CC2D1A: variants seen among roughly 807,000 people sequenced by gnomAD.
CC2D1A encodes coiled-coil and C2 domain-containing protein 1A.
In CC2D1A, 68 loss-of-function variants were observed where a neutral mutation model predicts 123.8. The ratio of observed to expected loss-of-function variants is 0.55; its 90% CI spans 0.45 to 0.67. The LOEUF (loss-of-function observed/expected upper bound fraction) is 0.67, where lower values mean the gene tolerates loss of function less well. Among genes scored for constraint, CC2D1A ranks in the 30% least tolerant of loss-of-function variants. The probability of loss-of-function intolerance (pLI) is 0.00; values close to 1 mark genes in which losing one functional copy is unlikely to be tolerated. For synonymous variants in CC2D1A, 477 were observed against 528.0 expected, an observed-to-expected ratio of 0.90 and a Z score of 1.32; for missense variants, 1,185 against 1,290.3, an observed-to-expected ratio of 0.92 and a Z score of 1.25.
At chr19:13,925,926 AAAAAAAAAT>A (rs1178633062) in intron 17 of CC2D1A, among the ~76,000 whole-genome samples, 8 of 108,064 alleles carry the variant, frequency 7.4e-5, no homozygotes, top group African/African-American at 2.7e-4. Context: ...TCTAAAAAAA[AAAAAAAAAT>A]ATATATATAT....
At position 13,920,887 on chromosome 19, in the gene CC2D1A, G is replaced by A. The variant is rs1971391181; in HGVS notation, c.1606G>A (p.Ala536Thr). 6.2e-7 allele frequency: 1 copy of A among 1,613,852 alleles called. No individual in the cohort carries two copies. The highest frequency in any genetic ancestry group is 1.1e-5 in the South Asian group (1 of 91,078). ...QAKGLEPMLE[A>T]SRNGLPVDIT... The stretch of plus-strand genomic sequence containing the variant: ...CAAGGGACTGGAGCCTATGCTGGAG[G>A]CCTCGCGCAATGGGCTGCCTGTGGA... The change falls in exon 14 of 29, where the codon GCC becomes ACC. Residue 536 changes from alanine to threonine, a missense_variant. By Grantham distance (58) the Ala-to-Thr change is moderately conservative. Coordinates refer to ENST00000318003, the MANE Select transcript of CC2D1A (RefSeq NM_017721.5).
At chr19:13,926,283 AC>A in intron 17 of CC2D1A, among the ~76,000 whole-genome samples, 1 of 152,156 alleles carries the variant, frequency 6.6e-6, no homozygotes, top group Non-Finnish European at 1.5e-5. Flanking sequence ...CACAGTAGAT[AC>A]CAAATAAATA....
chr19:13,911,363 A>G (rs1312193652), intron 2 of CC2D1A, among the ~76,000 whole-genome samples: 1 of 152,208 alleles, frequency 6.6e-6, no homozygotes, highest in Non-Finnish European at 1.5e-5. Context: ...TATTGGCAAT[A>G]TGCTATTCTA....
chr19:13,929,231 T>C (rs1226396539), intron 24 of CC2D1A, 148 bp from the exon 25 acceptor site: 9 of 773,236 alleles, frequency 1.2e-5, no homozygotes, highest in Non-Finnish European at 2.0e-5. Flanking sequence ...GGTCTCGAAC[T>C]CCTGACCTCA....
At chr19:13,920,251 C>T in intron 12 of CC2D1A, 1 of 509,780 alleles carries the variant, frequency 2.0e-6, no homozygotes, top group Non-Finnish European at 3.4e-6. Context: ...ACCTCATCTC[C>T]AAGACAATTA....
chr19:13,917,475 G>A (rs927911623), intron 6 of CC2D1A, among the ~76,000 whole-genome samples: 4 of 152,106 alleles, frequency 2.6e-5, no homozygotes, highest in East Asian at 1.9e-4. Flanking sequence ...GGCCAGGCAC[G>A]GTAACTCACA....
chr19:13,928,440 T>C (rs971014445), intron 24 of CC2D1A, among the ~76,000 whole-genome samples: 4 of 152,052 alleles, frequency 2.6e-5, no homozygotes, highest in Non-Finnish European at 5.9e-5. Context: ...TGTCCATGAA[T>C]AGTTTTCACT....
chr19:13,924,070 T>G lies in CC2D1A; in HGVS notation c.1940+259T>G, dbSNP rs73922802. On this transcript the variant is annotated intron_variant, in intron 17 of 28. Coordinates refer to ENST00000318003, the MANE Select transcript of CC2D1A (RefSeq NM_017721.5). ...TATCTTGTCCCAGGGCCTGGGTGAG[T>G]CCACGGGGGACCAGAGATGAGTCAC... Among the ~76,000 whole-genome samples, 428 of 152,224 alleles carry G rather than the reference T, an allele frequency of 2.8e-3. 2 individuals carry two copies. The highest frequency in any genetic ancestry group is 9.8e-3 in the African/African-American group (406 of 41,544).
rs930497067 is a variant in CC2D1A at position 13,930,703 on chromosome 19, G to A, written c.*308G>A. 2 of 479,942 alleles carry A rather than the reference G, an allele frequency of 4.2e-6. No homozygotes were observed. The highest frequency in any genetic ancestry group is 3.3e-5 in the East Asian group (1 of 30,146). The allele number at this position is 479,942 out of a possible 1,614,324, so 29.7% of individuals were successfully genotyped here. A position where few individuals can be genotyped will look rare whatever the true frequency, so the allele number is the denominator to read the frequency against. ...GAGGGTGGCTGGGGCCAAGCCCCGA[G>A]GGCCCCTGCAAGCACTTTACTTCCT... On this transcript the variant is annotated 3_prime_UTR_variant, in exon 29 of 29. Coordinates refer to ENST00000318003, the MANE Select transcript of CC2D1A (RefSeq NM_017721.5). This position sits in a 1 kb window ranked among gnomAD's most constrained non-coding sequence, Gnocchi z 6.8.
chr19:13,927,020 G>A lies in CC2D1A; in HGVS notation c.2168G>A (p.Arg723His), dbSNP rs34024422. ...QFKLCINRSH[R>H]GFRRAIQTKG... Reference sequence around the variant, plus strand: ...AAACTCTGCATCAACCGCAGCCACCGTGGCTTCCGAAGGGCCATCCAGACC... The same window carrying A: ...AAACTCTGCATCAACCGCAGCCACCATGGCTTCCGAAGGGCCATCCAGACC... Residue 723 changes from arginine to histidine, a missense_variant, in exon 21 of 29, where the codon CGT becomes CAT. By Grantham distance (29) the Arg-to-His change is conservative (BLOSUM62 0). Coordinates refer to ENST00000318003, the MANE Select transcript of CC2D1A (RefSeq NM_017721.5). 5.1e-5 allele frequency: 82 copies of A among 1,614,098 alleles called. No individual in the cohort carries two copies. The Middle Eastern group carries it at 6.6e-4, about 13-fold the overall frequency.
intron 17 of CC2D1A, among the ~76,000 whole-genome samples, chr19:13,925,933 A>AAAAATATATAT (rs1315518981): frequency 1.1e-5 from 1 of 91,052 alleles, no homozygotes; most frequent in African/African-American, 6.8e-5. Flanking sequence ...AAAAAAAAAA[A>AAAAATATATAT]ATATATATAT....
intron 3 of CC2D1A, 41 bp downstream of exon 3, chr19:13,912,479 C>A: frequency 6.2e-7 from 1 of 1,614,060 alleles, no homozygotes; most frequent in Non-Finnish European, 8.5e-7. Flanking sequence ...ATCCGGTTGC[C>A]CCCATCCAGC....
intron 24 of CC2D1A, 57 bp from the exon 25 acceptor site, chr19:13,929,322 T>G: frequency 6.3e-7 from 1 of 1,575,632 alleles, no homozygotes. Context: ...TCTTTTGAAT[T>G]AACAGGGTTG....
At chr19:13,925,933 A>ATATATATATAT (rs1555735762) in intron 17 of CC2D1A, among the ~76,000 whole-genome samples, 13 of 91,034 alleles carry the variant, frequency 1.4e-4, no homozygotes, top group African/African-American at 8.9e-4. Context: ...AAAAAAAAAA[A>ATATATATATAT]ATATATATAT....
chr19:13,907,659 A>G (rs928566905), intron 1 of CC2D1A, among the ~76,000 whole-genome samples: 1 of 152,178 alleles, frequency 6.6e-6, no homozygotes, highest in Non-Finnish European at 1.5e-5. Flanking sequence ...GTGACAGAGC[A>G]AGGCTCCTTC....
chr19:13,926,502 C>T lies in CC2D1A; in HGVS notation c.1941-15C>T, dbSNP rs1486304918. ...TTTCCCTGCCCACCTGCCTGCCCAC[C>T]TGCCCACCCGGAAGGATCTTCCCTG... On this transcript the variant is annotated splice_polypyrimidine_tract_variant and intron_variant, in intron 17 of 28. Coordinates refer to ENST00000318003, the MANE Select transcript of CC2D1A (RefSeq NM_017721.5). 4 of 1,613,154 alleles carry T rather than the reference C, an allele frequency of 2.5e-6. No individual in the cohort carries two copies. Among genetic ancestry groups the T allele is most frequent in the Middle Eastern group, 1.7e-4 (1 of 6,060 alleles).
At position 13,918,920 on chromosome 19, in the gene CC2D1A, C is replaced by T. The variant is rs558746804; in HGVS notation, c.1027C>T (p.Pro343Ser). 3.7e-6 allele frequency: 6 copies of T among 1,609,692 alleles called. No homozygotes were observed. In the African/African-American group the frequency reaches 4.0e-5, roughly 11 times the overall value. ...CCCCCTGTCCGGCCCAGAGGTGCCC[C>T]CACCCCCGAGGACCCTGCTGGAGGC... Reference protein sequence around the residue: ...ATAPSTTEVPPPPRTLLEALE... With the variant: ...ATAPSTTEVPSPPRTLLEALE... Residue 343 changes from proline (P) to serine (S), a missense_variant, in exon 10 of 29, where the codon CCA becomes TCA. By Grantham distance (74) the Pro-to-Ser change is moderately conservative (BLOSUM62 -1). Transcript: ENST00000318003.
At chr19:13,926,783 C>T (rs370858679) in intron 19 of CC2D1A, 38 bp from the exon 20 acceptor site, 7 of 1,613,914 alleles carry the variant, frequency 4.3e-6, no homozygotes, top group Non-Finnish European at 5.1e-6. Context: ...AGCCAGGTCC[C>T]AGGCCCCCTA....
rs770318639 is a variant in CC2D1A, at chr19:13,913,151, C to A, written c.379-17C>A. The A allele has an allele frequency of 2.2e-4, 344 of 1,591,342 alleles. No homozygotes were observed. The highest frequency in any genetic ancestry group is 2.8e-4 in the Non-Finnish European group (326 of 1,170,602). ...AAGTGGGGTCACCACCCACACTGTGCCCCTGCCCTCCCACAGCCGAAGCCT... is the reference window on the plus strand; with the variant it reads ...AAGTGGGGTCACCACCCACACTGTGACCCTGCCCTCCCACAGCCGAAGCCT... On this transcript the variant is annotated splice_polypyrimidine_tract_variant and intron_variant, in intron 4 of 28. Transcript: ENST00000318003.
Sources: allele counts gnomAD v4.1 joint callset (sites outside exome capture counted in the v4.1 genomes callset), GRCh38; gene constraint gnomAD v4.1.1; non-coding constraint Gnocchi (gnomAD v3.1); transcripts MANE v1.5; gene names NCBI Gene and HGNC (gene_info 2026-07-23, HGNC 2026-07-21).